KCNH1: variants seen among roughly 807,000 people sequenced by gnomAD.
The protein encoded by KCNH1 is potassium voltage-gated channel subfamily H member 1.
A neutral mutation model predicts 69.2 loss-of-function variants in KCNH1; 27 were observed. That is an observed-to-expected ratio of 0.39 (90% CI 0.29 to 0.54). The LOEUF (loss-of-function observed/expected upper bound fraction) is 0.54. Among genes scored for constraint, KCNH1 ranks in the 20% least tolerant of loss-of-function variants. The pLI is 0.68. For missense variants in KCNH1, 798 were observed against 1,261.6 expected (o/e 0.63, Z 5.57); for synonymous variants, 456 against 487.7 (o/e 0.93, Z 0.86).
intron 7 of KCNH1, among the ~76,000 whole-genome samples, chr1:210,852,984 C>G (rs1685741292): frequency 6.6e-6 from 1 of 152,102 alleles, no homozygotes; most frequent in Non-Finnish European, 1.5e-5. Flanking sequence ...TCCCTAGTTC[C>G]AACATTTCCA....
At chr1:210,725,344 G>C (rs1258613872) in intron 10 of KCNH1, among the ~76,000 whole-genome samples, 2 of 152,132 alleles carry the variant, frequency 1.3e-5, no homozygotes, top group Non-Finnish European at 1.5e-5. Context: ...ATTAATTCAA[G>C]ATACATTTAC....
At chr1:210,898,901 C>A (rs1052751191) in intron 7 of KCNH1, among the ~76,000 whole-genome samples, 1 of 152,148 alleles carries the variant, frequency 6.6e-6, no homozygotes, top group African/African-American at 2.4e-5. Flanking sequence ...GAGCTGTCTA[C>A]CTGATTGGGT....
intron 6 of KCNH1, among the ~76,000 whole-genome samples, chr1:210,990,665 C>A (rs140624128): frequency 1.3e-5 from 2 of 152,210 alleles, no homozygotes; most frequent in African/African-American, 4.8e-5. Context: ...TTAGTTTACT[C>A]AACAGCAAAA....
intron 5 of KCNH1, among the ~76,000 whole-genome samples, chr1:211,056,487 C>T (rs2102445346): frequency 6.6e-6 from 1 of 152,298 alleles, no homozygotes; most frequent in Admixed American, 6.5e-5. Context: ...GAGAAGGAAA[C>T]AAGCCTGCCT....
At chr1:210,868,916 T>G (rs914700244) in intron 7 of KCNH1, among the ~76,000 whole-genome samples, 2 of 152,142 alleles carry the variant, frequency 1.3e-5, no homozygotes, top group African/African-American at 4.8e-5. Context: ...ATTGATAGTA[T>G]TTGCCTTGCA....
intron 5 of KCNH1, among the ~76,000 whole-genome samples, chr1:211,025,715 C>A (rs1426087154): frequency 6.6e-6 from 1 of 152,086 alleles, no homozygotes; most frequent in Non-Finnish European, 1.5e-5. Context: ...GGGCATAAAA[C>A]CCCTCCTGGC....
At chr1:210,870,445 C>T (rs915663872) in intron 7 of KCNH1, among the ~76,000 whole-genome samples, 2 of 152,158 alleles carry the variant, frequency 1.3e-5, no homozygotes, top group Non-Finnish European at 2.9e-5. Context: ...ACATGGTACT[C>T]TCCCAGCTGA....
At chr1:211,019,331 G>T in intron 5 of KCNH1, 75 bp from the exon 6 acceptor site, 1 of 920,452 alleles carries the variant, frequency 1.1e-6, no homozygotes, top group East Asian at 2.4e-5. Flanking sequence ...CAGCATCAGT[G>T]ATTGACAAAT....
At chr1:211,011,346 A>G (rs1299524798) in intron 6 of KCNH1, among the ~76,000 whole-genome samples, 1 of 152,154 alleles carries the variant, frequency 6.6e-6, no homozygotes, top group Non-Finnish European at 1.5e-5. Context: ...CATGGTGTAT[A>G]TGTGCCACAT....
chr1:210,727,588 TA>T (rs140263977), intron 10 of KCNH1, among the ~76,000 whole-genome samples: 1 of 151,740 alleles, frequency 6.6e-6, no homozygotes, highest in African/African-American at 2.4e-5. Context: ...ATTCACAATC[TA>T]AAAAAAATGT....
At chr1:210,707,132 A>T (rs1193073825) in intron 10 of KCNH1, among the ~76,000 whole-genome samples, 1 of 152,136 alleles carries the variant, frequency 6.6e-6, no homozygotes, top group Non-Finnish European at 1.5e-5. Context: ...TTTCATATAT[A>T]TTGTTCCTTG....
chr1:210,769,994 T>G (rs1683720307), intron 10 of KCNH1, among the ~76,000 whole-genome samples: 1 of 152,148 alleles, frequency 6.6e-6, no homozygotes, highest in African/African-American at 2.4e-5. Context: ...GTATGTAAAC[T>G]TCTCAATAAA....
At chr1:210,958,020 AC>A (rs1429874101) in intron 6 of KCNH1, among the ~76,000 whole-genome samples, 2 of 152,152 alleles carry the variant, frequency 1.3e-5, no homozygotes, top group African/African-American at 4.8e-5. Flanking sequence ...AATGATCTTT[AC>A]AATTTGGCAT....
At chr1:211,073,663 A>G (rs1049594838) in intron 5 of KCNH1, among the ~76,000 whole-genome samples, 4 of 152,328 alleles carry the variant, frequency 2.6e-5, no homozygotes, top group East Asian at 1.9e-4. Context: ...ATATATTTTA[A>G]CTAAATGAAA....
chr1:210,976,608 T>C (rs1023107522), intron 6 of KCNH1, among the ~76,000 whole-genome samples: 6 of 144,564 alleles, frequency 4.2e-5, no homozygotes, highest in Admixed American at 3.5e-4. Flanking sequence ...ACTGGGTATA[T>C]ACCCAAAGGA....
chr1:211,013,393 G>A (rs1026868017), intron 6 of KCNH1, among the ~76,000 whole-genome samples: 1 of 152,066 alleles, frequency 6.6e-6, no homozygotes, highest in Non-Finnish European at 1.5e-5. Flanking sequence ...GTGACCTCAG[G>A]TTAGGGCCAC....
intron 3 of KCNH1, among the ~76,000 whole-genome samples, chr1:211,100,946 T>C (rs1182043077): frequency 6.6e-6 from 1 of 152,204 alleles, no homozygotes; most frequent in African/African-American, 2.4e-5. Context: ...TTAAGAAGCA[T>C]TGGTTTGTGT....
intron 5 of KCNH1, among the ~76,000 whole-genome samples, chr1:211,036,729 C>CCCTCA (rs56092948): frequency 0.41 from 62,891 of 151,576 alleles, 13,257 homozygotes; most frequent in Non-Finnish European, 0.44. Flanking sequence ...TCAATAATCT[C>CCCTCA]CCTCACCTCT....
At chr1:210,825,504 C>T (rs944180689) in intron 7 of KCNH1, among the ~76,000 whole-genome samples, 1 of 152,168 alleles carries the variant, frequency 6.6e-6, no homozygotes, top group Non-Finnish European at 1.5e-5. Context: ...CACACCTTTG[C>T]TTTTGTACTA....
Sources: gnomAD v4.1 joint callset for allele counts (sites outside exome capture counted in the v4.1 genomes callset) on GRCh38, gnomAD v4.1.1 for gene constraint, MANE v1.5 for transcripts, NCBI Gene and HGNC (gene_info 2026-07-23, HGNC 2026-07-21) for gene names.